Variants in SLC12A1 observed in about 807,000 individuals in gnomAD.
SLC12A1 encodes the protein solute carrier family 12 member 1.
A neutral mutation model predicts 130.4 loss-of-function variants in SLC12A1; 89 were observed. That is an observed-to-expected ratio of 0.68 (90% CI 0.58 to 0.81). The LOEUF (loss-of-function observed/expected upper bound fraction) is 0.81, where lower values mean the gene tolerates loss of function less well. Ranked by LOEUF, SLC12A1 falls within the 40% of genes least tolerant of loss-of-function variation. The pLI, the probability that SLC12A1 is intolerant of heterozygous loss-of-function variation, is 0.00. For missense variants in SLC12A1, 1,310 were observed against 1,336.4 expected (o/e 0.98, Z 0.31); for synonymous variants, 499 against 460.0 (o/e 1.08, Z -1.09).
Position 48,220,939 on chromosome 15 carries a change from A to C in SLC12A1, c.571A>C (p.Ile191Leu), listed in dbSNP as rs1269704989. Residue 191 changes from isoleucine to leucine, a missense_variant, in exon 4 of 27, where the codon ATC becomes CTC. Coordinates refer to ENST00000380993, the MANE Select transcript of SLC12A1 (RefSeq NM_000338.3). ...TCCACAGGTAAGATGCATGCTGAAC[A>C]TCTGGGGAGTCATGCTCTTCATTCG... Reference protein sequence around the residue: ...KGVLVRCMLNIWGVMLFIRLS... With the variant: ...KGVLVRCMLNLWGVMLFIRLS... 6.2e-7 allele frequency: 1 copy of C among 1,614,026 alleles called. No homozygotes were observed. The highest frequency in any genetic ancestry group is 8.5e-7 in the Non-Finnish European group (1 of 1,179,888).
intron 10 of SLC12A1, 44 bp from the exon 11 acceptor site, chr15:48,244,709 C>G: frequency 1.2e-6 from 2 of 1,606,460 alleles, no homozygotes; most frequent in Non-Finnish European, 1.7e-6. Context: ...CCGTAAGGGA[C>G]CAGAACTTTA....
intron 15 of SLC12A1, among the ~76,000 whole-genome samples, chr15:48,255,379 A>G (rs1006100585): frequency 6.6e-6 from 1 of 151,826 alleles, no homozygotes; most frequent in Admixed American, 6.6e-5. Flanking sequence ...TGGAGGTTGC[A>G]GTGAGCCAAG....
intron 17 of SLC12A1, among the ~76,000 whole-genome samples, chr15:48,266,251 C>A (rs2041830577): frequency 6.6e-6 from 1 of 152,192 alleles, no homozygotes; most frequent in Non-Finnish European, 1.5e-5. Context: ...AGTGTTCCTG[C>A]AAGCACAGTG....
Position 48,207,871 on chromosome 15 carries a change from G to A in SLC12A1, c.152G>A (p.Gly51Glu), listed in dbSNP as rs1291382750. 1.2e-6 allele frequency: 2 copies of A among 1,613,946 alleles called. No homozygotes were observed. Among genetic ancestry groups the A allele is most frequent in the Admixed American group, 3.3e-5 (2 of 60,014 alleles). The stretch of plus-strand genomic sequence containing the variant: ...CCACATTATGAAGAAACCTCTTTTG[G>A]GGATGAAGCTCAGAAAAGACTCAGA... ...DPPHYEETSF[G>E]DEAQKRLRIS... is the part of the protein sequence containing the mutation. The change falls in exon 2 of 27, where the codon GGG becomes GAG. Residue 51 changes from glycine (G) to glutamate (E), a missense_variant. Coordinates refer to ENST00000380993, the MANE Select transcript of SLC12A1 (RefSeq NM_000338.3).
chr15:48,248,404 C>A (rs1219930033), intron 13 of SLC12A1, among the ~76,000 whole-genome samples: 1 of 152,112 alleles, frequency 6.6e-6, no homozygotes, highest in Non-Finnish European at 1.5e-5. Context: ...AAATCATTGC[C>A]CTGTGCTGCA....
Position 48,303,145 on chromosome 15 carries a change from A to G in SLC12A1, c.*260A>G. 3.6e-6 allele frequency: 1 copy of G among 279,968 alleles called. No individual in the cohort carries two copies. The highest frequency in any genetic ancestry group is 9.6e-5 in the South Asian group (1 of 10,466). The allele number at this position is 279,968 out of a possible 1,614,324, so 17.3% of individuals were successfully genotyped here. A position where few individuals can be genotyped will look rare whatever the true frequency, so the allele number is the denominator to read the frequency against. On this transcript the variant is annotated 3_prime_UTR_variant, in exon 27 of 27. Transcript: ENST00000380993. Reference sequence around the variant, plus strand: ...TGTTGATAAACAAGAAAATCAAGGAAACTCATGTTGGCTTATGCTCATGAA... The same window carrying G: ...TGTTGATAAACAAGAAAATCAAGGAGACTCATGTTGGCTTATGCTCATGAA...
Position 48,230,408 on chromosome 15 carries a change from A to T in SLC12A1, c.880A>T (p.Met294Leu), listed in dbSNP as rs1233072494. ...VDLLKESDSM[M>L]VDPTNDIRII... Reference sequence around the variant, plus strand: ...GTTTCCCCAGGAGAGTGATTCGATGATGGTGGATCCAACCAATGACATCCG... The same window carrying T: ...GTTTCCCCAGGAGAGTGATTCGATGTTGGTGGATCCAACCAATGACATCCG... Residue 294 changes from methionine to leucine, a missense_variant, in exon 7 of 27, where the codon ATG becomes TTG. Met to Leu is a conservative substitution (Grantham distance 15, BLOSUM62 2). Coordinates refer to ENST00000380993, the MANE Select transcript of SLC12A1 (RefSeq NM_000338.3). 2 of 1,610,770 alleles carry T rather than the reference A, an allele frequency of 1.2e-6. No individual in the cohort carries two copies. Among genetic ancestry groups the T allele is most frequent in the Non-Finnish European group, 1.7e-6 (2 of 1,178,156 alleles).
At chr15:48,290,763 G>A (rs60899194) in intron 23 of SLC12A1, among the ~76,000 whole-genome samples, 41,304 of 151,748 alleles carry the variant, frequency 0.27, 6,514 homozygotes, top group African/African-American at 0.42. Context: ...TATGATATTT[G>A]TATGCTAATA....
Position 48,302,981 on chromosome 15 carries a change from C to A in SLC12A1, c.*96C>A. 5 of 962,574 alleles carry A rather than the reference C, an allele frequency of 5.2e-6. No individual in the cohort carries two copies. The highest frequency in any genetic ancestry group is 2.4e-5 in the Admixed American group (1 of 42,534). 59.6% of individuals were successfully genotyped at this position (962,574 alleles called of 1,614,324 possible). A position where few individuals can be genotyped will look rare whatever the true frequency, so the allele number is the denominator to read the frequency against. On this transcript the variant is annotated 3_prime_UTR_variant, in exon 27 of 27. Transcript: ENST00000380993. ...GTTGTAAATCTGATCTATGGATATG[C>A]AAACCTCTGGAGAGGATCCTACCAG... is the stretch of plus-strand genomic sequence containing the variant.
intron 7 of SLC12A1, 29 bp downstream of exon 7, chr15:48,230,532 C>A: frequency 7.1e-7 from 1 of 1,415,554 alleles, no homozygotes; most frequent in Non-Finnish European, 9.9e-7. Flanking sequence ...ATATTATCAA[C>A]AGTGGCTGGT....
chr15:48,259,060 C>T (rs1251796636), intron 16 of SLC12A1, 140 bp from the exon 17 acceptor site: 2 of 603,674 alleles, frequency 3.3e-6, no homozygotes, highest in Non-Finnish European at 3.0e-6. Flanking sequence ...TTCAAGAATA[C>T]TGGTGCGAAA....
chr15:48,250,711 C>T (rs898802989), intron 14 of SLC12A1, among the ~76,000 whole-genome samples: 3 of 151,498 alleles, frequency 2.0e-5, no homozygotes, highest in Non-Finnish European at 4.4e-5. Context: ...CACACACGGA[C>T]GGGAAGCCAG....
rs1322717296 is a variant in SLC12A1 at position 48,227,412 on chromosome 15, T to C, written c.724+841T>C. On this transcript the variant is annotated intron_variant, in intron 5 of 26. Transcript: ENST00000380993. ...ATAAAGTGGAGAGTGACTATGTGTCTAGTAAGAAGGTATGGAATATTATAG... is the reference window on the plus strand; with the variant it reads ...ATAAAGTGGAGAGTGACTATGTGTCCAGTAAGAAGGTATGGAATATTATAG... 20 of 545,460 alleles carry C rather than the reference T, an allele frequency of 3.7e-5. 1 individual carries two copies. In the South Asian group the frequency reaches 4.0e-4, roughly 11 times the overall value. 33.8% of individuals were successfully genotyped at this position (545,460 alleles called of 1,614,324 possible).
intron 17 of SLC12A1, among the ~76,000 whole-genome samples, chr15:48,260,346 TATCACA>T (rs1239779532): frequency 1.7e-5 from 1 of 59,264 alleles, no homozygotes; most frequent in African/African-American, 6.1e-5. Context: ...TCTCTCTCTC[TATCACA>T]CACACACACA....
At chr15:48,236,310 C>G (rs2041439961) in intron 9 of SLC12A1, among the ~76,000 whole-genome samples, 1 of 152,110 alleles carries the variant, frequency 6.6e-6, no homozygotes. Flanking sequence ...GGATGATTTT[C>G]TCAAGGAAAT....
At chr15:48,284,561 A>G (rs2042038076) in intron 20 of SLC12A1, among the ~76,000 whole-genome samples, 1 of 152,242 alleles carries the variant, frequency 6.6e-6, no homozygotes, top group Non-Finnish European at 1.5e-5. Context: ...AACTTCATGT[A>G]TCATAACTTA....
chr15:48,232,675 A>G (rs1445666188), intron 7 of SLC12A1, 52 bp from the exon 8 acceptor site: 3 of 1,114,458 alleles, frequency 2.7e-6, no homozygotes, highest in Non-Finnish European at 4.1e-6. Context: ...ATAATTATGT[A>G]AAAAGTTGTT....
intron 14 of SLC12A1, among the ~76,000 whole-genome samples, chr15:48,250,328 G>C (rs1218022772): frequency 1.3e-5 from 2 of 152,064 alleles, no homozygotes; most frequent in African/African-American, 4.8e-5. Flanking sequence ...ACTTTTACCG[G>C]ATATATAAAC....
At chr15:48,225,017 G>A (rs1204365646) in intron 4 of SLC12A1, 2 of 152,116 alleles carry the variant, frequency 1.3e-5, no homozygotes, top group Non-Finnish European at 2.9e-5. Flanking sequence ...TGGATATATA[G>A]TAGGTTTTTA....
Sources: allele counts gnomAD v4.1 joint callset (sites outside exome capture counted in the v4.1 genomes callset), GRCh38; gene constraint gnomAD v4.1.1; transcripts MANE v1.5; gene names NCBI Gene and HGNC (gene_info 2026-07-23, HGNC 2026-07-21).